The following SPATA13 variants were observed in gnomAD, a reference collection of about 807,000 sequenced individuals.
The protein encoded by SPATA13 is spermatogenesis associated 13, also known as spermatogenesis-associated protein 13.
In SPATA13, 50 loss-of-function variants were observed where a neutral mutation model predicts 104.0. That is an observed-to-expected ratio of 0.48 (90% confidence interval 0.38 to 0.61). SPATA13 has a LOEUF of 0.61. Ranked by LOEUF, SPATA13 falls within the 20% of genes least tolerant of loss-of-function variation. The probability of loss-of-function intolerance (pLI) is 0.00; values close to 1 mark genes in which losing one functional copy is unlikely to be tolerated. For missense variants in SPATA13, 1,524 were observed against 1,690.6 expected (o/e 0.90, Z 1.73); for synonymous variants, 606 against 667.5 (o/e 0.91, Z 1.42).
intron 3 of SPATA13, among the ~76,000 whole-genome samples, chr13:24,029,013 G>C (rs1294203281): frequency 6.6e-6 from 1 of 151,632 alleles, no homozygotes; most frequent in Non-Finnish European, 1.5e-5. Context: ...GCTCTCTTTT[G>C]TTTCCTCGTA....
intron 3 of SPATA13, among the ~76,000 whole-genome samples, chr13:24,102,888 A>G (rs9578681): frequency 4.6e-5 from 7 of 152,272 alleles, no homozygotes; most frequent in African/African-American, 1.7e-4. Flanking sequence ...CATCGTGGAG[A>G]CTTTTCCCTA....
chr13:24,290,638 C>T lies in SPATA13; in HGVS notation c.2848-14C>T. 1.2e-6 allele frequency: 2 copies of T among 1,611,446 alleles called. No homozygotes were observed. On this transcript the variant is annotated splice_polypyrimidine_tract_variant and intron_variant, in intron 8 of 12. Transcript: ENST00000382108. ...CACCCCAGAAGCTGACGAAGCTGTACTTTTCCTTCCCAGCAAGAGGGCTTT... is the reference window on the plus strand; with the variant it reads ...CACCCCAGAAGCTGACGAAGCTGTATTTTTCCTTCCCAGCAAGAGGGCTTT...
chr13:24,045,851 G>A (rs1258827141), intron 3 of SPATA13, among the ~76,000 whole-genome samples: 1 of 152,204 alleles, frequency 6.6e-6, no homozygotes, highest in Non-Finnish European at 1.5e-5. Context: ...GGTAGCAGGT[G>A]TGTGGTCTCA....
intron 2 of SPATA13, among the ~76,000 whole-genome samples, chr13:23,997,808 C>T (rs2137668224): frequency 6.6e-6 from 1 of 152,200 alleles, no homozygotes; most frequent in South Asian, 2.1e-4. Flanking sequence ...AGAGCTCACT[C>T]ATTACCATGA....
At chr13:23,988,408 A>G (rs1186749831) in intron 2 of SPATA13, among the ~76,000 whole-genome samples, 3 of 152,210 alleles carry the variant, frequency 2.0e-5, no homozygotes, top group African/African-American at 7.2e-5. Flanking sequence ...GTGATAACAT[A>G]TTACATAAAC....
intron 2 of SPATA13, among the ~76,000 whole-genome samples, chr13:24,002,416 C>T (rs9553136): frequency 0.12 from 18,209 of 152,114 alleles, 1,854 homozygotes; most frequent in East Asian, 0.44. Flanking sequence ...ATGTCACAGT[C>T]GCTCTGCATT....
intron 1 of SPATA13, among the ~76,000 whole-genome samples, chr13:24,207,290 T>C (rs559367421): frequency 1.5e-4 from 23 of 152,244 alleles, no homozygotes; most frequent in African/African-American, 5.3e-4. Flanking sequence ...ACCGAGGTGA[T>C]AGGATGATAC....
intron 11 of SPATA13, among the ~76,000 whole-genome samples, chr13:24,299,421 G>A (rs537737142): frequency 1.5e-4 from 23 of 152,312 alleles, no homozygotes; most frequent in Middle Eastern, 6.8e-3. Flanking sequence ...GAATATTTTG[G>A]CAGCCCTCGT....
At chr13:24,230,021 G>A (rs2138624410) in intron 2 of SPATA13, among the ~76,000 whole-genome samples, 1 of 152,314 alleles carries the variant, frequency 6.6e-6, no homozygotes, top group South Asian at 2.1e-4. Context: ...TGAAGAAGGA[G>A]GATTTCTACA....
At chr13:23,987,045 ACTC>A (rs1875181254) in intron 2 of SPATA13, among the ~76,000 whole-genome samples, 3 of 85,640 alleles carry the variant, frequency 3.5e-5, no homozygotes, top group Non-Finnish European at 5.2e-5. Flanking sequence ...GTGTGTTACT[ACTC>A]CACATGGGGC....
intron 2 of SPATA13, among the ~76,000 whole-genome samples, chr13:24,232,185 A>G (rs1017752374): frequency 1.3e-5 from 2 of 152,226 alleles, no homozygotes; most frequent in African/African-American, 2.4e-5. Flanking sequence ...GGACAAGGTG[A>G]TGGGGTGGAG....
At chr13:24,026,608 C>A (rs575362491) in intron 3 of SPATA13, among the ~76,000 whole-genome samples, 1 of 152,114 alleles carries the variant, frequency 6.6e-6, no homozygotes, top group Non-Finnish European at 1.5e-5. Context: ...GACAGAGTCT[C>A]GCTCTGTCAC....
upstream of SPATA13, among the ~76,000 whole-genome samples, chr13:24,158,646 C>T (rs1388500567): frequency 6.6e-6 from 1 of 152,190 alleles, no homozygotes; most frequent in Non-Finnish European, 1.5e-5. Context: ...AAAAGGTTTT[C>T]ACTGAAACCC....
chr13:24,201,051 A>G (rs1870373374), intron 1 of SPATA13, among the ~76,000 whole-genome samples: 2 of 31,850 alleles, frequency 6.3e-5, no homozygotes, highest in South Asian at 1.7e-3. Flanking sequence ...ACACACACAC[A>G]CACACACACA....
At chr13:24,297,855 G>A (rs1876903745) in intron 11 of SPATA13, 120 bp downstream of exon 11, 1 of 1,238,718 alleles carries the variant, frequency 8.1e-7, no homozygotes, top group Non-Finnish European at 1.1e-6. Context: ...CCACCATGGG[G>A]AAAGGACAAG....
At chr13:24,045,805 G>C (rs1429985791) in intron 3 of SPATA13, among the ~76,000 whole-genome samples, 1 of 152,198 alleles carries the variant, frequency 6.6e-6, no homozygotes, top group Non-Finnish European at 1.5e-5. Flanking sequence ...CAGGCTCTCG[G>C]CCTACCAGGC....
At chr13:24,271,950 C>G (rs932592289) in intron 4 of SPATA13, among the ~76,000 whole-genome samples, 2 of 152,028 alleles carry the variant, frequency 1.3e-5, no homozygotes, top group Non-Finnish European at 2.9e-5. Context: ...CTCCATTTTA[C>G]GAGCCAAAAT....
chr13:24,037,308 A>T (rs955346094), intron 3 of SPATA13, among the ~76,000 whole-genome samples: 2 of 151,850 alleles, frequency 1.3e-5, no homozygotes, highest in African/African-American at 4.8e-5. Flanking sequence ...CATATGTAAC[A>T]AACCTGCACG....
At chr13:24,093,949 C>T (rs186843604) in intron 3 of SPATA13, among the ~76,000 whole-genome samples, 9 of 151,956 alleles carry the variant, frequency 5.9e-5, no homozygotes, top group African/African-American at 1.4e-4. Context: ...CTCCCCGTCC[C>T]GGAGGTTAGA....
Sources: gnomAD v4.1 joint callset for allele counts (sites outside exome capture counted in the v4.1 genomes callset) on GRCh38, gnomAD v4.1.1 for gene constraint, MANE v1.5 for transcripts, NCBI Gene and HGNC (gene_info 2026-07-23, HGNC 2026-07-21) for gene names.